The following PIK3CB variants were observed in gnomAD, a reference collection of about 807,000 sequenced individuals.
PIK3CB encodes phosphatidylinositol 4,5-bisphosphate 3-kinase catalytic subunit beta isoform.
PIK3CB carries 39 observed loss-of-function variants against 136.8 expected under a neutral mutation model. The ratio of observed to expected loss-of-function variants is 0.29; its 90% CI spans 0.22 to 0.37. The LOEUF is 0.37. Among genes scored for constraint, PIK3CB ranks in the 10% least tolerant of loss-of-function variants. The pLI is 1.00. For synonymous variants in PIK3CB, 428 were observed against 436.6 expected (o/e 0.98, Z 0.25); for missense variants, 868 against 1,275.4 (o/e 0.68, Z 4.87).
chr3:138,722,942 T>G (rs903520622), intron 8 of PIK3CB, among the ~76,000 whole-genome samples: 3 of 152,046 alleles, frequency 2.0e-5, no homozygotes, highest in Non-Finnish European at 2.9e-5. Context: ...TTAAGATTAG[T>G]TCTGCTTGAG....
At chr3:138,720,997 C>T (rs6795773) in intron 8 of PIK3CB, among the ~76,000 whole-genome samples, 1 of 152,122 alleles carries the variant, frequency 6.6e-6, no homozygotes, top group Admixed American at 6.5e-5. Context: ...AGATAATAAG[C>T]CTGCAAACTA....
In PIK3CB at chr3:138,684,785, A is replaced by G; in HGVS notation, c.2155T>C (p.Leu719=). The part of the protein sequence containing the change: ...LSKQVEALNK[L]KTLNSLIKLN... ...TTGATTAAACTATTTAAAGTTTTTA[A>G]CTTATTGAGTGCTTCAACCTGAAAA... Residue 719 remains leucine (L), a synonymous_variant, in exon 17 of 24, where the codon TTA becomes CTA. Coordinates refer to ENST00000674063, the MANE Select transcript of PIK3CB (RefSeq NM_006219.3). The G allele has an allele frequency of 6.2e-7, 1 of 1,612,178 alleles. No homozygotes were observed. The highest frequency in any genetic ancestry group is 8.5e-7 in the Non-Finnish European group (1 of 1,179,346).
intron 8 of PIK3CB, among the ~76,000 whole-genome samples, chr3:138,724,007 C>A (rs546173659): frequency 7.9e-5 from 12 of 152,284 alleles, no homozygotes; most frequent in African/African-American, 2.4e-4. Flanking sequence ...GGTTTTCCTA[C>A]ACCAACCAAT....
At chr3:138,765,924 T>C (rs1482399046) in intron 2 of PIK3CB, among the ~76,000 whole-genome samples, 1 of 152,252 alleles carries the variant, frequency 6.6e-6, no homozygotes, top group Non-Finnish European at 1.5e-5. Flanking sequence ...TCTATTTGCA[T>C]GTGGTTTTAC....
At chr3:138,743,524 C>T (rs949047107) in intron 4 of PIK3CB, among the ~76,000 whole-genome samples, 3 of 152,192 alleles carry the variant, frequency 2.0e-5, no homozygotes, top group East Asian at 1.9e-4. Flanking sequence ...GGGCACCAAC[C>T]CCCTACAGAG....
intron 8 of PIK3CB, among the ~76,000 whole-genome samples, chr3:138,719,983 G>GA (rs939910011): frequency 6.0e-5 from 9 of 150,798 alleles, no homozygotes; most frequent in Admixed American, 2.0e-4. Flanking sequence ...AGCTAGGCTA[G>GA]AAAAAAAAAG....
intron 4 of PIK3CB, among the ~76,000 whole-genome samples, chr3:138,752,253 A>T (rs1278099578): frequency 6.6e-6 from 1 of 152,184 alleles, no homozygotes; most frequent in Non-Finnish European, 1.5e-5. Context: ...ATCATCTTTC[A>T]GGAAAAGGTA....
Position 138,695,931 on chromosome 3 carries a change from A to ATTTTTTTTTT in PIK3CB, c.1771-1034_1771-1025dup, listed in dbSNP as rs34470924. Among the ~76,000 whole-genome samples, 271 of 90,398 alleles carry ATTTTTTTTTT rather than the reference A, an allele frequency of 3.0e-3. 2 individuals are homozygous for ATTTTTTTTTT. Among genetic ancestry groups the ATTTTTTTTTT allele is most frequent in the East Asian group, 5.7e-3 (17 of 2,962 alleles). 59.3% of individuals were successfully genotyped at this position (90,398 alleles called of 152,430 possible). A position where few individuals can be genotyped will look rare whatever the true frequency, so the allele number is the denominator to read the frequency against. On this transcript the variant is annotated intron_variant, in intron 13 of 23. Transcript: ENST00000674063. Reference sequence around the variant, plus strand: ...CCACTATGCCCAGCTAATTTTTTGTATTTTTTTTTTTTTTTTTTTTTTTGA... The same window carrying ATTTTTTTTTT: ...CCACTATGCCCAGCTAATTTTTTGTATTTTTTTTTTTTTTTTTTTTTTTTTTTTTTTTTGA...
intron 8 of PIK3CB, among the ~76,000 whole-genome samples, chr3:138,724,146 C>A (rs762796384): frequency 4.6e-5 from 7 of 152,104 alleles, no homozygotes; most frequent in Non-Finnish European, 7.4e-5. Context: ...GTGACAATTG[C>A]AAATCTCAGG....
chr3:138,781,661 GCCAGGCTGC>G (rs375529692), intron 2 of PIK3CB, among the ~76,000 whole-genome samples: 250 of 152,152 alleles, frequency 1.6e-3, no homozygotes, highest in African/African-American at 5.6e-3. Flanking sequence ...TGTCATGTTG[GCCAGGCTGC>G]TCTCGAACTC....
chr3:138,690,721 CACA>C (rs2043989526), intron 15 of PIK3CB, among the ~76,000 whole-genome samples: 2 of 116,462 alleles, frequency 1.7e-5, no homozygotes, highest in African/African-American at 7.9e-5. Flanking sequence ...AGAAAACACA[CACA>C]AAAAAAAAAA....
intron 16 of PIK3CB, among the ~76,000 whole-genome samples, chr3:138,686,947 C>T (rs1255777074): frequency 6.6e-6 from 1 of 152,136 alleles, no homozygotes; most frequent in African/African-American, 2.4e-5. Flanking sequence ...GCTGTACAAA[C>T]ACTGGTGACA....
intron 23 of PIK3CB, among the ~76,000 whole-genome samples, chr3:138,655,928 C>T (rs564847805): frequency 3.3e-5 from 5 of 152,268 alleles, no homozygotes; most frequent in South Asian, 2.1e-4. Context: ...GTCTTCTTTA[C>T]GCCCCTTCTA....
Position 138,688,943 on chromosome 3 carries a change from G to A in PIK3CB, c.2068C>T (p.Gln690Ter), listed in dbSNP as rs759788024. 1 of 1,613,614 alleles carries A rather than the reference G, an allele frequency of 6.2e-7. No homozygotes were observed. Among genetic ancestry groups the A allele is most frequent in the Non-Finnish European group, 8.5e-7 (1 of 1,179,516 alleles). Residue 690 changes from glutamine (Q) to a stop codon, truncating the protein, a stop_gained, in exon 16 of 24, where the codon CAA (glutamine) becomes TAA (stop). Coordinates refer to ENST00000674063, the MANE Select transcript of PIK3CB (RefSeq NM_006219.3). LOFTEE classifies it high-confidence loss of function. ...TATGCTTCAAGGATGACACCAAATT[G>A]TACTGAGACAGCAGGAATGTGCACT... ...SEVHIPAVSV[Q>*]FGVILEAYCR... is the part of the protein sequence containing the mutation.
At chr3:138,738,423 A>G (rs907247243) in intron 5 of PIK3CB, among the ~76,000 whole-genome samples, 1 of 152,112 alleles carries the variant, frequency 6.6e-6, no homozygotes, top group Non-Finnish European at 1.5e-5. Context: ...CGCCTGCCTC[A>G]GCCTCCCAAA....
chr3:138,816,362 G>C (rs1024717285), intron 1 of PIK3CB, among the ~76,000 whole-genome samples: 1 of 152,182 alleles, frequency 6.6e-6, no homozygotes, highest in Non-Finnish European at 1.5e-5. Context: ...GGGAGACCAA[G>C]GCGGGTGGAT....
rs559334923 is a variant in PIK3CB at position 138,737,793 on chromosome 3, C to T, written c.715G>A (p.Asp239Asn). The T allele has an allele frequency of 3.3e-5, 53 of 1,612,622 alleles. No individual in the cohort carries two copies. In the South Asian group the frequency reaches 5.5e-4, roughly 17 times the overall value. The stretch of plus-strand genomic sequence containing the variant: ...ACATAATCATAGGGGCTAACTTCAT[C>T]TTCCTTCCCATGAATAGTCAAACGT... ...QKRLTIHGKE[D>N]EVSPYDYVLQ... Residue 239 changes from aspartate (D) to asparagine (N), a missense_variant, in exon 6 of 24, where the codon GAT (aspartate) becomes AAT (asparagine). Asp to Asn is a conservative substitution (Grantham distance 23). This residue lies in a region of PIK3CB where 612 missense variants were observed against 801.1 expected (regional missense o/e 0.76). Transcript: ENST00000674063.
chr3:138,670,777 TTCC>T (rs1016493619), intron 19 of PIK3CB, among the ~76,000 whole-genome samples: 73 of 152,276 alleles, frequency 4.8e-4, no homozygotes, highest in Middle Eastern at 3.4e-3. Flanking sequence ...GCATTAGAAA[TTCC>T]TCCTAATTTA....
intron 1 of PIK3CB, among the ~76,000 whole-genome samples, chr3:138,821,082 C>T (rs991850339): frequency 6.7e-6 from 1 of 150,310 alleles, no homozygotes; most frequent in Admixed American, 6.6e-5. Flanking sequence ...GTCAGGAAAT[C>T]GAGACCATCT....
Sources: allele counts gnomAD v4.1 joint callset (sites outside exome capture counted in the v4.1 genomes callset), GRCh38; gene constraint gnomAD v4.1.1; regional missense constraint gnomAD v4.1.1; transcripts MANE v1.5; gene names NCBI Gene and HGNC (gene_info 2026-07-23, HGNC 2026-07-21).